The following GRK5 variants were observed in gnomAD, a reference collection of about 807,000 sequenced individuals.
The protein encoded by GRK5 is g protein-coupled receptor kinase GRK5.
Under a neutral mutation model 78.4 loss-of-function variants are expected in GRK5, and 40 were observed. The ratio of observed to expected loss-of-function variants is 0.51; its 90% CI spans 0.40 to 0.66. The LOEUF is 0.66. GRK5 is among the 30% of genes least tolerant of loss of function. The pLI, the probability that GRK5 is intolerant of heterozygous loss-of-function variation, is 0.00. For synonymous variants in GRK5, 289 were observed against 296.8 expected (o/e 0.97, Z 0.27); for missense variants, 598 against 759.9 (o/e 0.79, Z 2.50).
chr10:119,361,049 T>A (rs375748603), intron 2 of GRK5, among the ~76,000 whole-genome samples: 5 of 152,302 alleles, frequency 3.3e-5, no homozygotes, highest in African/African-American at 1.2e-4. Context: ...GGGAGTACTG[T>A]GGGCTTTGGA....
intron 4 of GRK5, among the ~76,000 whole-genome samples, chr10:119,398,399 C>T (rs1311594071): frequency 9.9e-4 from 4 of 4,026 alleles, no homozygotes; most frequent in Admixed American, 6.3e-3. Flanking sequence ...TCTGATGATT[C>T]GCGTATCCAC....
At chr10:119,450,168 A>C (rs1019335584) in intron 13 of GRK5, among the ~76,000 whole-genome samples, 1 of 152,306 alleles carries the variant, frequency 6.6e-6, no homozygotes. Context: ...CGGTTGTGCC[A>C]TTGGGCTGAT....
intron 4 of GRK5, among the ~76,000 whole-genome samples, chr10:119,407,479 A>C (rs1264907531): frequency 6.6e-6 from 1 of 152,208 alleles, no homozygotes; most frequent in African/African-American, 2.4e-5. Context: ...AGACATTCGT[A>C]ATGTCTGTGC....
chr10:119,443,709 A>G lies in GRK5; in HGVS notation c.1223A>G (p.Tyr408Cys), dbSNP rs1489816831. Residue 408 changes from tyrosine (Y) to cysteine (C), a missense_variant, in exon 12 of 16, where the codon TAC (tyrosine) becomes TGC (cysteine). By Grantham distance (194) the Tyr-to-Cys change is radical. Transcript: ENST00000392870. ...CGGGTCCTGGAGACGGAGGAGGTGT[A>G]CTCCCACAAGTTCTCCGAGGAGGCC... is the stretch of plus-strand genomic sequence containing the variant. ...DRRVLETEEV[Y>C]SHKFSEEAKS... The G allele has an allele frequency of 6.2e-7, 1 of 1,611,668 alleles. No individual in the cohort carries two copies. Among genetic ancestry groups the G allele is most frequent in the Non-Finnish European group, 8.5e-7 (1 of 1,178,560 alleles).
Position 119,391,103 on chromosome 10 carries a change from C to T in GRK5, c.262-5592C>T, listed in dbSNP as rs188136881. On this transcript the variant is annotated intron_variant, in intron 3 of 15. Coordinates refer to ENST00000392870, the MANE Select transcript of GRK5 (RefSeq NM_005308.3). ...AGTTGCTCCTACCACTTTCATTCTC[C>T]ACCCAATGTGGACAGGAGTCCATTC... Among the ~76,000 whole-genome samples the T allele has an allele frequency of 7.7e-3, 1,178 of 152,364 alleles. 13 individuals are homozygous for T. Among genetic ancestry groups the T allele is most frequent in the Non-Finnish European group, 0.012 (846 of 68,032 alleles).
chr10:119,380,220 C>T (rs1851690153), intron 2 of GRK5, among the ~76,000 whole-genome samples: 1 of 152,198 alleles, frequency 6.6e-6, no homozygotes, highest in African/African-American at 2.4e-5. Context: ...GAGCTACAGG[C>T]ATGGTTTGAT....
At chr10:119,244,530 A>G (rs929790242) in intron 1 of GRK5, among the ~76,000 whole-genome samples, 1 of 152,242 alleles carries the variant, frequency 6.6e-6, no homozygotes, top group Non-Finnish European at 1.5e-5. Flanking sequence ...CAAAACCTCA[A>G]TGTGTTGCCT....
Position 119,367,828 on chromosome 10 carries a change from A to G in GRK5, c.149-12987A>G, listed in dbSNP as rs111922950. 5.3e-5 allele frequency among the ~76,000 whole-genome samples: 8 copies of G among 152,332 alleles called. 1 individual carries two copies. The highest frequency in any genetic ancestry group is 1.9e-4 in the African/African-American group (8 of 41,578). On this transcript the variant is annotated intron_variant, in intron 2 of 15. Transcript: ENST00000392870. ...GGTGGCTGGGGGTCTTGGGACCCTG[A>G]GACATCAGGACTTTCAGGAGACCAT...
At chr10:119,363,153 C>T (rs1342816916) in intron 2 of GRK5, among the ~76,000 whole-genome samples, 3 of 151,522 alleles carry the variant, frequency 2.0e-5, no homozygotes, top group East Asian at 1.9e-4. Context: ...TGGTGGCAGA[C>T]GCCTGTAATC....
At chr10:119,327,179 TCAGTGGCA>T (rs1393493363) in intron 2 of GRK5, among the ~76,000 whole-genome samples, 1 of 152,136 alleles carries the variant, frequency 6.6e-6, no homozygotes, top group Non-Finnish European at 1.5e-5. Flanking sequence ...GCCACTGGGC[TCAGTGGCA>T]CAGCTTAGCC....
At chr10:119,332,386 C>T (rs1002995856) in intron 2 of GRK5, among the ~76,000 whole-genome samples, 1 of 152,142 alleles carries the variant, frequency 6.6e-6, no homozygotes, top group East Asian at 1.9e-4. Context: ...GGATTACAGG[C>T]GTGAGCCACT....
At chr10:119,218,814 GT>G (rs1564852214) in intron 1 of GRK5, among the ~76,000 whole-genome samples, 1 of 151,908 alleles carries the variant, frequency 6.6e-6, no homozygotes, top group African/African-American at 2.4e-5. Context: ...CATAGTAGGT[GT>G]TCAAAAATAT....
chr10:119,250,086 A>G (rs1033999758), intron 1 of GRK5, among the ~76,000 whole-genome samples: 1 of 152,210 alleles, frequency 6.6e-6, no homozygotes, highest in African/African-American at 2.4e-5. Context: ...GAGGCTCTTC[A>G]GAGTCTAGGA....
intron 2 of GRK5, chr10:119,333,225 T>C (rs1850812639): frequency 6.6e-6 from 1 of 152,590 alleles, no homozygotes; most frequent in African/African-American, 2.4e-5. Flanking sequence ...CTTAAAGTAA[T>C]TAAAGTCTGG....
chr10:119,288,692 T>C (rs982854791), intron 1 of GRK5, among the ~76,000 whole-genome samples: 3 of 152,200 alleles, frequency 2.0e-5, no homozygotes, highest in African/African-American at 7.2e-5. Flanking sequence ...ATGGACTGGC[T>C]TAGGTGTGTG....
chr10:119,229,995 C>T (rs1000132304), intron 1 of GRK5, among the ~76,000 whole-genome samples: 13 of 152,040 alleles, frequency 8.6e-5, no homozygotes, highest in Non-Finnish European at 1.6e-4. Context: ...TATGAGGTTA[C>T]GGGGTGTGAG....
chr10:119,449,146 C>T (rs1338183358), intron 13 of GRK5, among the ~76,000 whole-genome samples: 1 of 152,088 alleles, frequency 6.6e-6, no homozygotes, highest in Admixed American at 6.6e-5. Context: ...CCTCTCTTCC[C>T]AATTCCGTGT....
At chr10:119,222,854 G>T (rs886515060) in intron 1 of GRK5, among the ~76,000 whole-genome samples, 1 of 152,236 alleles carries the variant, frequency 6.6e-6, no homozygotes, top group African/African-American at 2.4e-5. Flanking sequence ...CCGCAAAGAA[G>T]GGATCTGAGG....
At chr10:119,295,390 A>G (rs887853567) in intron 1 of GRK5, among the ~76,000 whole-genome samples, 1 of 152,168 alleles carries the variant, frequency 6.6e-6, no homozygotes, top group Non-Finnish European at 1.5e-5. Context: ...TAGTACAGCC[A>G]CTATGGAAAA....
Sources: gnomAD v4.1 joint callset for allele counts (sites outside exome capture counted in the v4.1 genomes callset) on GRCh38, gnomAD v4.1.1 for gene constraint, MANE v1.5 for transcripts, NCBI Gene and HGNC (gene_info 2026-07-23, HGNC 2026-07-21) for gene names.